Variants in CENPP observed in about 807,000 individuals in gnomAD.
CENPP encodes the protein centromere protein P.
A neutral mutation model predicts 35.6 loss-of-function variants in CENPP; 24 were observed. The ratio of observed to expected loss-of-function variants is 0.67; its 90% confidence interval spans 0.49 to 0.95. CENPP has a LOEUF of 0.95. Among genes scored for constraint, CENPP ranks in the 40% least tolerant of loss-of-function variants. The probability of loss-of-function intolerance (pLI) is 0.00; values close to 1 mark genes in which losing one functional copy is unlikely to be tolerated. For missense variants in CENPP, 332 were observed against 345.3 expected (o/e 0.96, Z 0.31); for synonymous variants, 120 against 125.5 (o/e 0.96, Z 0.29).
intron 3 of CENPP, among the ~76,000 whole-genome samples, chr9:92,344,786 T>G (rs1442072353): frequency 6.7e-6 from 1 of 150,044 alleles, no homozygotes; most frequent in African/African-American, 2.4e-5. Context: ...TAACCTCAGG[T>G]GATTCACCCG....
chr9:92,496,075 G>A (rs1170726175), intron 5 of CENPP: 2 of 1,135,614 alleles, frequency 1.8e-6, no homozygotes, highest in African/African-American at 3.3e-5. Context: ...CTATTCTAGT[G>A]AGATGGCCTC....
At chr9:92,340,035 A>G (rs1248903582) in intron 3 of CENPP, 1 of 153,802 alleles carries the variant, frequency 6.5e-6, no homozygotes, top group African/African-American at 2.4e-5. Context: ...CCTATGGTCC[A>G]CTACCATCTC....
intron 5 of CENPP, chr9:92,522,765 G>A (rs779766958): frequency 6.2e-7 from 1 of 1,613,782 alleles, no homozygotes; most frequent in African/African-American, 1.3e-5. Context: ...ACCTTCTGTG[G>A]TAGATCTTCC....
At chr9:92,408,130 C>CT (rs1843355803) in intron 5 of CENPP, among the ~76,000 whole-genome samples, 1 of 152,182 alleles carries the variant, frequency 6.6e-6, no homozygotes, top group African/African-American at 2.4e-5. Context: ...TCTTCATTCT[C>CT]TAACTTTGTA....
intron 5 of CENPP, among the ~76,000 whole-genome samples, chr9:92,603,073 G>A (rs1227045761): frequency 1.3e-5 from 2 of 152,192 alleles, no homozygotes; most frequent in Non-Finnish European, 2.9e-5. Flanking sequence ...ACAGGCATAA[G>A]CCACCACACC....
At chr9:92,400,199 G>C (rs954355606) in intron 5 of CENPP, among the ~76,000 whole-genome samples, 1 of 152,076 alleles carries the variant, frequency 6.6e-6, no homozygotes, top group Non-Finnish European at 1.5e-5. Flanking sequence ...CGCCTAGGCT[G>C]GAGTACAATG....
At chr9:92,517,917 T>A (rs982714617) in intron 5 of CENPP, 7 of 1,609,868 alleles carry the variant, frequency 4.3e-6, no homozygotes, top group Non-Finnish European at 5.9e-6. Flanking sequence ...TCTTATGTGA[T>A]TATCAGTAAC....
At chr9:92,427,248 C>T (rs1264081499) in intron 5 of CENPP, among the ~76,000 whole-genome samples, 2 of 152,144 alleles carry the variant, frequency 1.3e-5, no homozygotes, top group East Asian at 1.9e-4. Context: ...CTGCAGCCTC[C>T]ACCTCCTGGG....
At chr9:92,517,353 G>A (rs969453502) in intron 5 of CENPP, 5 of 476,536 alleles carry the variant, frequency 1.0e-5, no homozygotes, top group African/African-American at 9.8e-5. Flanking sequence ...TGCACATATA[G>A]ACCAAAGCAG....
At chr9:92,463,808 G>A (rs1351920321) in intron 5 of CENPP, among the ~76,000 whole-genome samples, 2 of 152,160 alleles carry the variant, frequency 1.3e-5, no homozygotes, top group South Asian at 2.1e-4. Flanking sequence ...GCTACACTGA[G>A]GTGTTTTTTT....
intron 5 of CENPP, chr9:92,505,480 G>A: frequency 2.1e-6 from 3 of 1,417,144 alleles, no homozygotes; most frequent in African/African-American, 2.9e-5. Flanking sequence ...TTGTTGTAGT[G>A]TACCATATTT....
At chr9:92,329,837 C>G (rs1840687200) in intron 1 of CENPP, among the ~76,000 whole-genome samples, 1 of 152,120 alleles carries the variant, frequency 6.6e-6, no homozygotes, top group African/African-American at 2.4e-5. Flanking sequence ...TCGCTGTGCC[C>G]AATCTGTTCT....
intron 5 of CENPP, among the ~76,000 whole-genome samples, chr9:92,551,977 GTGTGTGTATATA>G (rs1173399587): frequency 1.6e-5 from 1 of 61,620 alleles, no homozygotes; most frequent in African/African-American, 1.6e-4. Context: ...TGATATATAT[GTGTGTGTATATA>G]TGTGATATAT....
chr9:92,586,495 T>C (rs1850544812), intron 5 of CENPP, among the ~76,000 whole-genome samples: 1 of 151,958 alleles, frequency 6.6e-6, no homozygotes, highest in Admixed American at 6.5e-5. Context: ...ACCATGCATA[T>C]ACCAGGGGAA....
intron 5 of CENPP, among the ~76,000 whole-genome samples, chr9:92,518,255 C>T (rs569726571): frequency 6.6e-6 from 1 of 152,348 alleles, no homozygotes; most frequent in African/African-American, 2.4e-5. Context: ...ATCATATTCA[C>T]TCAGGATTCA....
rs1312698854 is a variant in CENPP at position 92,619,666 on chromosome 9, C to T, written c.*6517C>T. 6 of 1,071,944 alleles carry T rather than the reference C, an allele frequency of 5.6e-6. No individual in the cohort carries two copies. The highest frequency in any genetic ancestry group is 6.9e-6 in the Non-Finnish European group (5 of 720,456). The allele number at this position is 1,071,944 out of a possible 1,614,324, so 66.4% of individuals were successfully genotyped here. On this transcript the variant is annotated 3_prime_UTR_variant, in exon 8 of 8. Transcript: ENST00000375587. ...GCCAAGTGTGGGAACTGCTTCCTGC[C>T]TCAGAACCTGAGGGTGGGATTAGGA... is the stretch of plus-strand genomic sequence containing the variant.
intron 4 of CENPP, among the ~76,000 whole-genome samples, chr9:92,352,370 A>G (rs897102352): frequency 2.7e-5 from 4 of 150,296 alleles, no homozygotes; most frequent in South Asian, 4.2e-4. Flanking sequence ...ATCATCTGAA[A>G]AAACAAAACC....
At chr9:92,409,641 G>A (rs1275060053) in intron 5 of CENPP, among the ~76,000 whole-genome samples, 13 of 152,086 alleles carry the variant, frequency 8.5e-5, no homozygotes, top group Non-Finnish European at 1.2e-4. Flanking sequence ...ATGTGTGTTC[G>A]TTATGCATTT....
At chr9:92,525,416 C>T (rs960922772) in intron 5 of CENPP, among the ~76,000 whole-genome samples, 2 of 152,112 alleles carry the variant, frequency 1.3e-5, no homozygotes, top group Non-Finnish European at 2.9e-5. Flanking sequence ...CAGTCATGTA[C>T]CACATAATGA....
Sources: gnomAD v4.1 joint callset for allele counts (sites outside exome capture counted in the v4.1 genomes callset) on GRCh38, gnomAD v4.1.1 for gene constraint, MANE v1.5 for transcripts, NCBI Gene and HGNC (gene_info 2026-07-23, HGNC 2026-07-21) for gene names.